Variants in MAGI2 observed in about 807,000 individuals in gnomAD.
The protein encoded by MAGI2 is membrane-associated guanylate kinase, WW and PDZ domain-containing protein 2.
In MAGI2, 35 loss-of-function variants were observed where a neutral mutation model predicts 133.3. That is an observed-to-expected ratio of 0.26 (90% CI 0.20 to 0.35). The LOEUF (loss-of-function observed/expected upper bound fraction) is 0.35. Ranked by LOEUF, MAGI2 falls within the 10% of genes least tolerant of loss-of-function variation. The pLI is 1.00. For synonymous variants in MAGI2, 729 were observed against 710.6 expected (o/e 1.03, Z -0.41); for missense variants, 1,636 against 1,863.4 (o/e 0.88, Z 2.25).
chr7:79,114,520 G>GA (rs887538126), intron 1 of MAGI2, among the ~76,000 whole-genome samples: 1 of 152,148 alleles, frequency 6.6e-6, no homozygotes, highest in African/African-American at 2.4e-5. Context: ...TGTCTGCTCA[G>GA]AAAATACCCC....
intron 1 of MAGI2, among the ~76,000 whole-genome samples, chr7:79,356,322 C>T (rs1256092411): frequency 6.8e-6 from 1 of 147,274 alleles, no homozygotes; most frequent in African/African-American, 2.5e-5. Flanking sequence ...TGTTACGAAT[C>T]TCTCAGCCCC....
Position 78,903,731 on chromosome 7 carries a change from AGT to A in MAGI2, c.418+103357_418+103358del, listed in dbSNP as rs57469274. Among the ~76,000 whole-genome samples, 7 of 150,776 alleles carry A rather than the reference AGT, an allele frequency of 4.6e-5. No homozygotes were observed. In the East Asian group the frequency reaches 5.8e-4, roughly 13 times the overall value. On this transcript the variant is annotated intron_variant, in intron 2 of 21. Transcript: ENST00000354212. ...ACCTCTCTTTGTCACCAAAGGCAAA[AGT>A]GTGTGTGTGTGTGTGCGTGTGTGCA...
chr7:78,987,389 T>C (rs2116272819), intron 2 of MAGI2, among the ~76,000 whole-genome samples: 1 of 152,212 alleles, frequency 6.6e-6, no homozygotes, highest in African/African-American at 2.4e-5. Context: ...TTAATGCTGA[T>C]TATTTTCCGT....
chr7:78,861,736 T>C (rs1794169829), intron 2 of MAGI2, among the ~76,000 whole-genome samples: 1 of 152,224 alleles, frequency 6.6e-6, no homozygotes, highest in Admixed American at 6.5e-5. Context: ...GAGAAAGTAA[T>C]ATTTGGATAC....
chr7:79,199,548 T>C (rs2129551803), intron 1 of MAGI2, among the ~76,000 whole-genome samples: 1 of 152,140 alleles, frequency 6.6e-6, no homozygotes, highest in East Asian at 1.9e-4. Context: ...GCTAGAGATT[T>C]TCTAAAAGCA....
rs149554875 is a variant in MAGI2 at position 78,419,600 on chromosome 7, ATTT to A, written c.1046-50390_1046-50388del. On this transcript the variant is annotated intron_variant, in intron 6 of 21. Coordinates refer to ENST00000354212, the MANE Select transcript of MAGI2 (RefSeq NM_012301.4). ...AGACTGAGTCTGGGATTGAGCAGTGATTTTTTTTTTTTTTTTTTTTTAAGGGAA... is the reference window on the plus strand; with the variant it reads ...AGACTGAGTCTGGGATTGAGCAGTGATTTTTTTTTTTTTTTTTTAAGGGAA... 5.5e-3 allele frequency among the ~76,000 whole-genome samples: 788 copies of A among 144,562 alleles called. 2 individuals carry two copies. Among genetic ancestry groups the A allele is most frequent in the Middle Eastern group, 0.011 (3 of 272 alleles). The allele number at this position is 144,562 out of a possible 152,430, so 94.8% of individuals were successfully genotyped here.
At chr7:79,298,789 C>T (rs1460857725) in intron 1 of MAGI2, among the ~76,000 whole-genome samples, 1 of 152,044 alleles carries the variant, frequency 6.6e-6, no homozygotes, top group Non-Finnish European at 1.5e-5. Context: ...GCTAATTCTA[C>T]AGGACTAGTG....
At chr7:78,613,864 T>C (rs1312103958) in intron 3 of MAGI2, among the ~76,000 whole-genome samples, 1 of 152,002 alleles carries the variant, frequency 6.6e-6, no homozygotes, top group Admixed American at 6.6e-5. Flanking sequence ...ATCCCGGCAC[T>C]TTGGGAGGCT....
At chr7:79,452,722 CGCACATTCAATTTGCCCCAGCA>C (rs1369604385) in intron 1 of MAGI2, among the ~76,000 whole-genome samples, 1 of 152,120 alleles carries the variant, frequency 6.6e-6, no homozygotes, top group African/African-American at 2.4e-5. Context: ...ATGCCACTGA[CGCACATTCAATTTGCCCCAGCA>C]GCTCTGAGGA....
chr7:78,227,161 T>A (rs1184061142), intron 10 of MAGI2, among the ~76,000 whole-genome samples: 1 of 152,230 alleles, frequency 6.6e-6, no homozygotes, highest in Non-Finnish European at 1.5e-5. Context: ...TCTCTGAATA[T>A]TCATTTAAAA....
chr7:78,149,428 G>C (rs947081232), intron 16 of MAGI2, among the ~76,000 whole-genome samples: 3 of 152,180 alleles, frequency 2.0e-5, no homozygotes, highest in Non-Finnish European at 4.4e-5. Context: ...CTGCTTTAAA[G>C]CTTGTGATCA....
intron 2 of MAGI2, among the ~76,000 whole-genome samples, chr7:78,867,254 G>A (rs1257368699): frequency 4.0e-5 from 6 of 151,324 alleles, no homozygotes; most frequent in Admixed American, 6.6e-5. Context: ...TGTTTATTGC[G>A]GCATTATTCA....
chr7:78,767,572 G>T (rs576696675), intron 2 of MAGI2, among the ~76,000 whole-genome samples: 2 of 152,214 alleles, frequency 1.3e-5, no homozygotes. Context: ...TTTAAAAATT[G>T]AAAAGAGAGT....
chr7:78,595,256 G>T (rs891738956), intron 3 of MAGI2, among the ~76,000 whole-genome samples: 2 of 152,020 alleles, frequency 1.3e-5, no homozygotes, highest in African/African-American at 2.4e-5. Flanking sequence ...TGGAGTCAGA[G>T]TAAAAACAAA....
chr7:78,292,855 T>C (rs1396007934), intron 9 of MAGI2, among the ~76,000 whole-genome samples: 1 of 152,160 alleles, frequency 6.6e-6, no homozygotes, highest in African/African-American at 2.4e-5. Flanking sequence ...ATTTAATAAA[T>C]GGTGCTGGGA....
At chr7:78,783,154 A>C (rs1826534829) in intron 2 of MAGI2, among the ~76,000 whole-genome samples, 1 of 151,930 alleles carries the variant, frequency 6.6e-6, no homozygotes, top group Non-Finnish European at 1.5e-5. Context: ...TTAGGTGCTC[A>C]GTAATATTCA....
intron 2 of MAGI2, among the ~76,000 whole-genome samples, chr7:78,653,473 T>C (rs1811795092): frequency 6.6e-6 from 1 of 152,202 alleles, no homozygotes; most frequent in Admixed American, 6.5e-5. Flanking sequence ...GATGAGTTCA[T>C]GTCCTTTGCA....
At chr7:79,220,364 G>A (rs900312815) in intron 1 of MAGI2, among the ~76,000 whole-genome samples, 16 of 151,872 alleles carry the variant, frequency 1.1e-4, no homozygotes, top group Admixed American at 9.2e-4. Context: ...AGGAAGAAAG[G>A]CTGGTAACAG....
chr7:79,169,504 A>G (rs1390478060), intron 1 of MAGI2, among the ~76,000 whole-genome samples: 1 of 152,102 alleles, frequency 6.6e-6, no homozygotes, highest in Non-Finnish European at 1.5e-5. Context: ...GAAGATGGAG[A>G]AGACATAGTC....
Sources: allele counts gnomAD v4.1 joint callset (sites outside exome capture counted in the v4.1 genomes callset), GRCh38; gene constraint gnomAD v4.1.1; transcripts MANE v1.5; gene names NCBI Gene and HGNC (gene_info 2026-07-23, HGNC 2026-07-21).